The following FLT1 variants were observed in gnomAD, a reference collection of about 807,000 sequenced individuals.
FLT1 encodes the protein vascular endothelial growth factor receptor 1.
FLT1 carries 49 observed loss-of-function variants against 156.3 expected under a neutral mutation model. The observed-to-expected ratio is 0.31, with a 90% confidence interval of 0.25 to 0.40. The LOEUF is 0.40. Among genes scored for constraint, FLT1 ranks in the 10% least tolerant of loss-of-function variants. FLT1 has a pLI of 1.00. For missense variants in FLT1, 1,322 were observed against 1,637.2 expected, an observed-to-expected ratio of 0.81 and a Z score of 3.32; for synonymous variants, 594 against 583.8, an observed-to-expected ratio of 1.02 and a Z score of -0.25.
intron 13 of FLT1, chr13:28,387,210 A>T (rs957515212): frequency 9.6e-7 from 1 of 1,038,874 alleles, no homozygotes; most frequent in Non-Finnish European, 1.2e-6. Flanking sequence ...TACAAGGTTC[A>T]CATAAACACT....
chr13:28,474,452 A>AAAAAT (rs1880424441), intron 1 of FLT1, among the ~76,000 whole-genome samples: 2 of 148,520 alleles, frequency 1.3e-5, no homozygotes, highest in South Asian at 2.1e-4. Context: ...ACTCTGTCTC[A>AAAAAT]AAAACAAAAC....
At chr13:28,475,813 A>G (rs1018742161) in intron 1 of FLT1, among the ~76,000 whole-genome samples, 2 of 152,194 alleles carry the variant, frequency 1.3e-5, no homozygotes, top group Non-Finnish European at 2.9e-5. Flanking sequence ...AAGTAACCAC[A>G]TTAAATGGAG....
intron 10 of FLT1, among the ~76,000 whole-genome samples, chr13:28,421,774 A>G (rs1416753910): frequency 1.3e-5 from 2 of 152,090 alleles, no homozygotes; most frequent in African/African-American, 4.8e-5. Flanking sequence ...GCCCTTTTGA[A>G]GGAAGAAAAT....
At chr13:28,470,372 T>C (rs1375323482) in intron 1 of FLT1, among the ~76,000 whole-genome samples, 1 of 152,212 alleles carries the variant, frequency 6.6e-6, no homozygotes, top group Non-Finnish European at 1.5e-5. Context: ...TCTGCCCTTC[T>C]TTATGGCATG....
intron 3 of FLT1, among the ~76,000 whole-genome samples, chr13:28,462,186 T>C (rs922226341): frequency 6.6e-6 from 1 of 152,224 alleles, no homozygotes; most frequent in African/African-American, 2.4e-5. Flanking sequence ...AAATTAAAGA[T>C]ACTGACAAGT....
At chr13:28,345,834 A>G (rs1313289519) in intron 15 of FLT1, 1 of 347,072 alleles carries the variant, frequency 2.9e-6, no homozygotes, top group African/African-American at 2.1e-5. Context: ...TTGTAATTCC[A>G]GAAACAGCTA....
At position 28,301,081 on chromosome 13, in the gene FLT1, CTT is replaced by C. The variant is rs1221020237; in HGVS notation, c.*2084_*2085del. On this transcript the variant is annotated 3_prime_UTR_variant, in exon 30 of 30. Coordinates refer to ENST00000282397, the MANE Select transcript of FLT1 (RefSeq NM_002019.4). ...TGAAAAGGAGTATTTATTATGGTCT[CTT>C]AATGATTAAGAATTAATTATTGAAA... 4.3e-6 allele frequency: 1 copy of C among 231,146 alleles called. No homozygotes were observed. Among genetic ancestry groups the C allele is most frequent in the Non-Finnish European group, 8.5e-6 (1 of 117,446 alleles). The allele number at this position is 231,146 out of a possible 1,614,324, so 14.3% of individuals were successfully genotyped here.
chr13:28,409,827 A>G (rs1876038500), intron 10 of FLT1, among the ~76,000 whole-genome samples: 1 of 151,926 alleles, frequency 6.6e-6, no homozygotes, highest in Non-Finnish European at 1.5e-5. Context: ...TATTCAGTAC[A>G]CAAATACCAT....
chr13:28,368,459 A>G, intron 14 of FLT1: 1 of 1,477,420 alleles, frequency 6.8e-7, no homozygotes, highest in South Asian at 1.4e-5. Context: ...GCCATTTGTT[A>G]TTGTTATGAT....
At chr13:28,475,715 C>T (rs1880504547) in intron 1 of FLT1, among the ~76,000 whole-genome samples, 2 of 152,164 alleles carry the variant, frequency 1.3e-5, no homozygotes, top group Admixed American at 1.3e-4. Flanking sequence ...AAAAAGTTAA[C>T]TCTTAGTTCT....
At chr13:28,412,385 T>TTTCTTTCTTTCCTTCCTTCC (rs1433314448) in intron 10 of FLT1, among the ~76,000 whole-genome samples, 3 of 84,940 alleles carry the variant, frequency 3.5e-5, no homozygotes, top group South Asian at 4.4e-4. Context: ...TCTTTCTTTC[T>TTTCTTTCTTTCCTTCCTTCC]TTCTTTCTTT....
At chr13:28,311,793 C>T (rs1483785406) in intron 26 of FLT1, 61 bp from the exon 27 acceptor site, 1 of 1,570,308 alleles carries the variant, frequency 6.4e-7, no homozygotes, top group African/African-American at 1.4e-5. Flanking sequence ...TTTCTATGAA[C>T]CATTATGTCA....
chr13:28,338,662 A>T (rs1291382767), intron 17 of FLT1, among the ~76,000 whole-genome samples: 1 of 152,186 alleles, frequency 6.6e-6, no homozygotes, highest in African/African-American at 2.4e-5. Context: ...ATTTGTGCAG[A>T]GGGTTTTTTT....
At chr13:28,480,772 T>G (rs894751600) in intron 1 of FLT1, among the ~76,000 whole-genome samples, 1 of 152,212 alleles carries the variant, frequency 6.6e-6, no homozygotes, top group Non-Finnish European at 1.5e-5. Flanking sequence ...GTTCGCATAT[T>G]TTTTGTCTGG....
At chr13:28,311,832 G>C (rs531666463) in intron 26 of FLT1, 100 bp from the exon 27 acceptor site, 15 of 1,394,114 alleles carry the variant, frequency 1.1e-5, no homozygotes, top group Middle Eastern at 1.9e-4. Flanking sequence ...GCACAATCTT[G>C]GTTGTGTTTT....
intron 23 of FLT1, among the ~76,000 whole-genome samples, chr13:28,320,059 T>TA (rs1193605910): frequency 1.3e-5 from 2 of 152,156 alleles, no homozygotes; most frequent in Non-Finnish European, 2.9e-5. Context: ...AATATACAGT[T>TA]AGTTTTCAAA....
intron 17 of FLT1, among the ~76,000 whole-genome samples, chr13:28,335,519 C>T (rs1186516698): frequency 2.0e-5 from 3 of 152,010 alleles, no homozygotes; most frequent in African/African-American, 7.3e-5. Context: ...ACTTTTATGC[C>T]CAACTACTCA....
chr13:28,493,515 GC>G (rs1244781958), intron 1 of FLT1, among the ~76,000 whole-genome samples: 2 of 152,134 alleles, frequency 1.3e-5, no homozygotes, highest in Middle Eastern at 3.2e-3. Flanking sequence ...GGTTTAACAA[GC>G]TTTTTGTTGT....
At position 28,312,070 on chromosome 13, in the gene FLT1, T is replaced by C. The variant is rs1161165810; in HGVS notation, c.3415A>G (p.Arg1139Gly). Residue 1139 changes from arginine (R) to glycine (G), a missense_variant, in exon 26 of 30, where the codon AGA becomes GGA. Physicochemically the swap from Arg to Gly is moderately radical, Grantham distance 125 (BLOSUM62 -2). Around this residue, in one of 3 missense-constraint regions of FLT1, gnomAD observed 329 missense variants for 366.2 expected, o/e 0.90. Coordinates refer to ENST00000282397, the MANE Select transcript of FLT1 (RefSeq NM_002019.4). Reference sequence around the variant, plus strand: ...AATCTTGGCCTTTCTTTTGGGTCTCTGTGCCAGCAGTCCAGCATGATCTGA... The same window carrying C: ...AATCTTGGCCTTTCTTTTGGGTCTCCGTGCCAGCAGTCCAGCATGATCTGA... Reference protein sequence around the residue: ...IYQIMLDCWHRDPKERPRFAE... With the variant: ...IYQIMLDCWHGDPKERPRFAE... 6.2e-7 allele frequency: 1 copy of C among 1,613,756 alleles called. No individual in the cohort carries two copies. The highest frequency in any genetic ancestry group is 8.5e-7 in the Non-Finnish European group (1 of 1,179,676).
Sources: allele counts gnomAD v4.1 joint callset (sites outside exome capture counted in the v4.1 genomes callset), GRCh38; gene constraint gnomAD v4.1.1; regional missense constraint gnomAD v4.1.1; transcripts MANE v1.5; gene names NCBI Gene and HGNC (gene_info 2026-07-23, HGNC 2026-07-21).